The following ZFHX3 variants were observed in gnomAD, a reference collection of about 807,000 sequenced individuals.
ZFHX3 encodes zinc finger homeobox 3, also known as zinc finger homeobox protein 3.
In ZFHX3, 42 loss-of-function variants were observed where a neutral mutation model predicts 279.1. That is an observed-to-expected ratio of 0.15 (90% CI 0.12 to 0.19). ZFHX3 has a LOEUF of 0.19. Among genes scored for constraint, ZFHX3 ranks in the 10% least tolerant of loss-of-function variants. ZFHX3 has a pLI of 1.00. For synonymous variants in ZFHX3, 2,293 were observed against 1,957.8 expected, an observed-to-expected ratio of 1.17 and a Z score of -4.52; for missense variants, 4,981 against 4,754.0, an observed-to-expected ratio of 1.05 and a Z score of -1.40.
Position 73,054,277 on chromosome 16 carries a change from G to GA in ZFHX3, c.-24+4252dup, listed in dbSNP as rs556151673. 2.1e-3 allele frequency among the ~76,000 whole-genome samples: 319 copies of GA among 152,162 alleles called. 1 individual carries two copies. The highest frequency in any genetic ancestry group is 7.4e-3 in the African/African-American group (308 of 41,490). On this transcript the variant is annotated intron_variant, in intron 1 of 8. Coordinates refer to the ZFHX3 transcript ENST00000397992. ...CAAGGATTCTGTTACATAATAATAT[G>GA]AAAAACAGAAGCTGAAAGTGGGCTC...
intron 1 of ZFHX3, among the ~76,000 whole-genome samples, chr16:73,765,436 A>G (rs2053921236): frequency 1.3e-5 from 2 of 152,250 alleles, no homozygotes; most frequent in African/African-American, 2.4e-5. Flanking sequence ...ACCTGTGAAG[A>G]GAATATCCTG....
intron 1 of ZFHX3, among the ~76,000 whole-genome samples, chr16:73,791,244 C>T (rs1959812765): frequency 6.6e-6 from 1 of 151,854 alleles, no homozygotes; most frequent in Non-Finnish European, 1.5e-5. Flanking sequence ...GGATTACAGG[C>T]ATGAGCCACC....
At chr16:72,856,089 G>A (rs1043260225) in intron 4 of ZFHX3, among the ~76,000 whole-genome samples, 1 of 152,240 alleles carries the variant, frequency 6.6e-6, no homozygotes, top group African/African-American at 2.4e-5. Flanking sequence ...TCCCTGTATA[G>A]TCCAACACTT....
chr16:72,796,036 TAGG>T lies in ZFHX3; in HGVS notation c.6643_6645del (p.Pro2215del). The T allele has an allele frequency of 6.2e-7, 1 of 1,614,136 alleles. No individual in the cohort carries two copies. Among genetic ancestry groups the T allele is most frequent in the Non-Finnish European group, 8.5e-7 (1 of 1,180,030 alleles). ...ATCTTGAGCTCCTCCAGGCTGGTGA[TAGG>T]AGGATTACTGAAGTTGTAAGGGGAG... On this transcript the variant is annotated inframe_deletion, in exon 9 of 10. Coordinates refer to ENST00000268489, the MANE Select transcript of ZFHX3 (RefSeq NM_006885.4).
chr16:73,312,073 G>A (rs1458163507), intron 4 of ZFHX3, among the ~76,000 whole-genome samples: 1 of 152,190 alleles, frequency 6.6e-6, no homozygotes, highest in Non-Finnish European at 1.5e-5. Context: ...TTTTAAGGGG[G>A]CTGTTGAAAA....
At chr16:72,799,121 G>A (rs1260437218) in intron 8 of ZFHX3, among the ~76,000 whole-genome samples, 1 of 152,174 alleles carries the variant, frequency 6.6e-6, no homozygotes, top group South Asian at 2.1e-4. Flanking sequence ...TAAGCATTTA[G>A]CACAGTAGAT....
At chr16:73,373,912 G>T (rs1275370695) in intron 3 of ZFHX3, among the ~76,000 whole-genome samples, 1 of 152,212 alleles carries the variant, frequency 6.6e-6, no homozygotes, top group Non-Finnish European at 1.5e-5. Context: ...AAGTTATGCT[G>T]CTAAAATAAA....
chr16:73,762,677 G>C (rs1031024379), intron 1 of ZFHX3, among the ~76,000 whole-genome samples: 2 of 152,130 alleles, frequency 1.3e-5, no homozygotes, highest in African/African-American at 2.4e-5. Flanking sequence ...TCCTTTGCAG[G>C]GACATGGATG....
intron 1 of ZFHX3, among the ~76,000 whole-genome samples, chr16:73,767,438 G>C (rs1386438631): frequency 6.6e-6 from 1 of 152,170 alleles, no homozygotes; most frequent in Non-Finnish European, 1.5e-5. Context: ...GTAAAGTAGA[G>C]AGTACTACAT....
intron 4 of ZFHX3, among the ~76,000 whole-genome samples, chr16:72,845,202 G>T (rs987027938): frequency 9.2e-5 from 14 of 152,042 alleles, no homozygotes; most frequent in Non-Finnish European, 1.5e-4. Context: ...TGCGCCCAGT[G>T]CTTGTGAAGG....
At chr16:73,773,297 T>C (rs570679566) in intron 1 of ZFHX3, among the ~76,000 whole-genome samples, 5 of 152,318 alleles carry the variant, frequency 3.3e-5, no homozygotes, top group Admixed American at 2.0e-4. Context: ...TCCCACAGTC[T>C]CCCTTTCTTT....
chr16:72,918,772 T>G (rs565412380), intron 3 of ZFHX3, among the ~76,000 whole-genome samples: 1 of 151,322 alleles, frequency 6.6e-6, no homozygotes, highest in East Asian at 2.0e-4. Flanking sequence ...CTCGGCTCAC[T>G]GCAAGCTCTG....
At chr16:73,469,146 G>A (rs1479965387) in intron 2 of ZFHX3, among the ~76,000 whole-genome samples, 4 of 152,120 alleles carry the variant, frequency 2.6e-5, no homozygotes, top group Non-Finnish European at 5.9e-5. Flanking sequence ...CCAGCCCCTC[G>A]ACCTTGATAG....
intron 4 of ZFHX3, among the ~76,000 whole-genome samples, chr16:73,293,205 T>C (rs545011618): frequency 5.3e-5 from 8 of 152,140 alleles, no homozygotes; most frequent in Non-Finnish European, 1.0e-4. Context: ...ACTGCAAGAT[T>C]AGAATTTTTG....
At chr16:73,172,089 G>A (rs1164449225) in intron 5 of ZFHX3, among the ~76,000 whole-genome samples, 2 of 152,042 alleles carry the variant, frequency 1.3e-5, no homozygotes, top group Non-Finnish European at 2.9e-5. Context: ...TCCTCCACCC[G>A]CCTGCCGGGT....
At position 72,812,535 on chromosome 16, in the gene ZFHX3, T is replaced by C. The variant is rs369500998; in HGVS notation, c.3530-497A>G. Among the ~76,000 whole-genome samples the C allele has an allele frequency of 7.9e-5, 12 of 152,306 alleles. No individual in the cohort carries two copies. The South Asian group carries it at 2.5e-3, about 32-fold the overall frequency. ...CACAGCATTGGCAACATGAAAAATG[T>C]GATTTGAGAAAGGTTCACATGAGTA... On this transcript the variant is annotated intron_variant, in intron 5 of 9. Transcript: ENST00000268489.
chr16:73,536,426 C>T (rs1449688251), intron 2 of ZFHX3, among the ~76,000 whole-genome samples: 1 of 152,206 alleles, frequency 6.6e-6, no homozygotes, highest in Non-Finnish European at 1.5e-5. Context: ...CATTCGCTAA[C>T]TTTAGACACA....
intron 4 of ZFHX3, among the ~76,000 whole-genome samples, chr16:73,273,898 T>C (rs546082411): frequency 6.6e-6 from 1 of 152,144 alleles, no homozygotes; most frequent in Non-Finnish European, 1.5e-5. Flanking sequence ...ATCCCAGCAC[T>C]TTGGGAGGCC....
In ZFHX3 at chr16:73,747,121, G is replaced by A. The variant is rs1250963756; in HGVS notation, c.-1607-66881C>T. On this transcript the variant is annotated intron_variant, in intron 1 of 17. Transcript: ENST00000641206. ...ATATCTTACAGGGGTGAGTGCAAGG[G>A]CTCACACTTGTAATCCCAACACTTT... 2.0e-5 allele frequency among the ~76,000 whole-genome samples: 3 copies of A among 152,168 alleles called. No homozygotes were observed. In the East Asian group the frequency reaches 5.8e-4, roughly 29 times the overall value.
Sources: allele counts gnomAD v4.1 joint callset (sites outside exome capture counted in the v4.1 genomes callset), GRCh38; gene constraint gnomAD v4.1.1; transcripts MANE v1.5; gene names NCBI Gene and HGNC (gene_info 2026-07-23, HGNC 2026-07-21).